The following DIP2C variants were observed in gnomAD, a reference collection of about 807,000 sequenced individuals.
DIP2C encodes disco-interacting protein 2 homolog C.
In DIP2C, 33 loss-of-function variants were observed where a neutral mutation model predicts 192.4. That is an observed-to-expected ratio of 0.17 (90% confidence interval 0.13 to 0.23). The LOEUF (loss-of-function observed/expected upper bound fraction) is 0.23, where lower values mean the gene tolerates loss of function less well. Among genes scored for constraint, DIP2C ranks in the 10% least tolerant of loss-of-function variants. The pLI, the probability that DIP2C is intolerant of heterozygous loss-of-function variation, is 1.00. For missense variants in DIP2C, 1,537 were observed against 2,110.1 expected, an observed-to-expected ratio of 0.73 and a Z score of 5.32; for synonymous variants, 979 against 864.1, an observed-to-expected ratio of 1.13 and a Z score of -2.33.
At chr10:650,407 C>T (rs565810003) in intron 1 of DIP2C, 3 of 715,388 alleles carry the variant, frequency 4.2e-6, no homozygotes, top group South Asian at 1.5e-5. Flanking sequence ...CAGACCAACA[C>T]GAGAAGAACG....
Position 555,982 on chromosome 10 carries a change from A to C in DIP2C, c.86-69452T>G, listed in dbSNP as rs1013265271. Among the ~76,000 whole-genome samples the C allele has an allele frequency of 5.3e-5, 8 of 152,002 alleles. No individual in the cohort carries two copies. In the East Asian group the frequency reaches 1.5e-3, roughly 29 times the overall value. On this transcript the variant is annotated intron_variant, in intron 1 of 36. Coordinates refer to ENST00000280886, the MANE Select transcript of DIP2C (RefSeq NM_014974.3). ...GCCTTTGCTCCTGACCCTGCCCCCA[A>C]CACACCTCAAATTCTCAAGGAAATC... is the stretch of plus-strand genomic sequence containing the variant.
chr10:542,892 G>C (rs1448920540), intron 1 of DIP2C, among the ~76,000 whole-genome samples: 1 of 152,022 alleles, frequency 6.6e-6, no homozygotes, highest in Non-Finnish European at 1.5e-5. Context: ...TTGGGGAGTG[G>C]GGGGTTCTGA....
chr10:297,661 G>A (rs1293215087), intron 32 of DIP2C, among the ~76,000 whole-genome samples: 2 of 152,212 alleles, frequency 1.3e-5, no homozygotes, highest in Non-Finnish European at 2.9e-5. Flanking sequence ...AGTGCATACT[G>A]GAGGCTGGGA....
chr10:480,856 C>T lies in DIP2C; in HGVS notation c.157+5603G>A, dbSNP rs190009324. 2.0e-5 allele frequency among the ~76,000 whole-genome samples: 3 copies of T among 152,336 alleles called. No individual in the cohort carries two copies. In the East Asian group the frequency reaches 5.8e-4, roughly 29 times the overall value. ...CTGATCTGGAACACAGGTGATTCAC[C>T]TGTCACTACAGCAACGCGGTCTAGA... On this transcript the variant is annotated intron_variant, in intron 2 of 36. Transcript: ENST00000280886.
chr10:417,621 C>CACCT lies in DIP2C; in HGVS notation c.739+1443_739+1444insAGGT. On this transcript the variant is annotated intron_variant, in intron 6 of 36. Transcript: ENST00000280886. ...TAGGATAGGCATCCCTGTCTGCCTG[C>CACCT]GCCTGTCAGGGCTCGGATAGGCCTC... 6.1e-5 allele frequency among the ~76,000 whole-genome samples: 9 copies of CACCT among 147,440 alleles called. 1 individual carries two copies. The highest frequency in any genetic ancestry group is 2.3e-4 in the African/African-American group (9 of 38,796).
At chr10:406,585 G>A (rs904772166) in intron 9 of DIP2C, among the ~76,000 whole-genome samples, 4 of 152,186 alleles carry the variant, frequency 2.6e-5, no homozygotes, top group Non-Finnish European at 4.4e-5. Flanking sequence ...CCTGGGTGGA[G>A]AACAAACTAA....
intron 13 of DIP2C, among the ~76,000 whole-genome samples, chr10:388,697 G>A (rs1032013660): frequency 6.6e-6 from 1 of 152,224 alleles, no homozygotes; most frequent in Non-Finnish European, 1.5e-5. Context: ...AGACACACAC[G>A]CTGTTTTTAA....
intron 17 of DIP2C, among the ~76,000 whole-genome samples, chr10:374,212 A>G (rs79962922): frequency 2.6e-5 from 4 of 152,154 alleles, no homozygotes; most frequent in African/African-American, 9.7e-5. Context: ...CTTTCATTCA[A>G]TTTTTATACA....
In DIP2C at chr10:449,798, AG is replaced by A. The variant is rs1457926125; in HGVS notation, c.269-8803del. ...AAGTATAATTAAAAAAAAAAAAAAAAGAAGTAAACACATTCAGTTACCTAAT... is the reference window on the plus strand; with the variant it reads ...AAGTATAATTAAAAAAAAAAAAAAAAAAGTAAACACATTCAGTTACCTAAT... On this transcript the variant is annotated intron_variant, in intron 3 of 36. Coordinates refer to ENST00000280886, the MANE Select transcript of DIP2C (RefSeq NM_014974.3). Among the ~76,000 whole-genome samples the A allele has an allele frequency of 1.1e-3, 148 of 138,656 alleles. 1 individual carries two copies. The highest frequency in any genetic ancestry group is 4.5e-3 in the African/African-American group (136 of 30,058). The allele number at this position is 138,656 out of a possible 152,430, so 91.0% of individuals were successfully genotyped here.
intron 1 of DIP2C, among the ~76,000 whole-genome samples, chr10:642,104 T>TA (rs538991241): frequency 6.6e-6 from 1 of 152,358 alleles, no homozygotes; most frequent in African/African-American, 2.4e-5. Flanking sequence ...CTTTTCCAGA[T>TA]ATGATGAAGG....
At chr10:683,144 AT>A (rs1167503094) in intron 1 of DIP2C, among the ~76,000 whole-genome samples, 4 of 152,260 alleles carry the variant, frequency 2.6e-5, no homozygotes, top group Admixed American at 6.5e-5. Context: ...GCTGGTTGTA[AT>A]TGTAAATCTC....
chr10:573,869 C>T (rs1220446953), intron 1 of DIP2C, among the ~76,000 whole-genome samples: 1 of 152,150 alleles, frequency 6.6e-6, no homozygotes, highest in African/African-American at 2.4e-5. Flanking sequence ...GTATTTTATT[C>T]ACAGAAGCAG....
chr10:422,599 G>A (rs947091691), intron 5 of DIP2C, among the ~76,000 whole-genome samples: 1 of 152,210 alleles, frequency 6.6e-6, no homozygotes, highest in Non-Finnish European at 1.5e-5. Context: ...ACGGCTGCAG[G>A]ATTCCCCAGG....
chr10:317,437 A>G (rs1179333244), intron 31 of DIP2C, among the ~76,000 whole-genome samples: 1 of 152,228 alleles, frequency 6.6e-6, no homozygotes, highest in Non-Finnish European at 1.5e-5. Flanking sequence ...ATGCTCTGAC[A>G]CTTTAGAGAG....
intron 1 of DIP2C, among the ~76,000 whole-genome samples, chr10:534,244 C>T (rs971303623): frequency 6.6e-6 from 1 of 152,180 alleles, no homozygotes; most frequent in East Asian, 1.9e-4. Flanking sequence ...CGGGGACGTG[C>T]GAAACGGGGA....
chr10:550,965 G>A (rs968046804), intron 1 of DIP2C, among the ~76,000 whole-genome samples: 30 of 152,206 alleles, frequency 2.0e-4, no homozygotes, highest in Non-Finnish European at 4.4e-5. Flanking sequence ...GGACACTGTG[G>A]CTCTGGTACA....
At chr10:589,522 A>G (rs938577613) in intron 1 of DIP2C, among the ~76,000 whole-genome samples, 2 of 151,492 alleles carry the variant, frequency 1.3e-5, no homozygotes, top group Non-Finnish European at 2.9e-5. Flanking sequence ...CCTTGTTTTC[A>G]CTCTTTTGCA....
chr10:360,405 C>G (rs1006165948), intron 22 of DIP2C, among the ~76,000 whole-genome samples: 3 of 152,220 alleles, frequency 2.0e-5, no homozygotes, highest in African/African-American at 7.2e-5. Context: ...GTATTTGAGG[C>G]TCATGTCTCT....
intron 31 of DIP2C, among the ~76,000 whole-genome samples, chr10:311,251 G>C (rs1956552906): frequency 6.6e-6 from 1 of 152,110 alleles, no homozygotes; most frequent in Admixed American, 6.5e-5. Context: ...AGCCATGGAG[G>C]GTCAATTAAA....
Sources: allele counts gnomAD v4.1 joint callset (sites outside exome capture counted in the v4.1 genomes callset), GRCh38; gene constraint gnomAD v4.1.1; transcripts MANE v1.5; gene names NCBI Gene and HGNC (gene_info 2026-07-23, HGNC 2026-07-21).